The following NCKAP1L variants were observed in gnomAD, a reference collection of about 807,000 sequenced individuals.
The protein encoded by NCKAP1L is NCK associated protein 1 like, also known as nck-associated protein 1-like.
Under a neutral mutation model 139.2 loss-of-function variants are expected in NCKAP1L, and 53 were observed. That is an observed-to-expected ratio of 0.38 (90% CI 0.31 to 0.48). The LOEUF (loss-of-function observed/expected upper bound fraction) is 0.48, where lower values mean the gene tolerates loss of function less well. NCKAP1L is among the 20% of genes least tolerant of loss of function. The probability of loss-of-function intolerance (pLI) is 0.98; values close to 1 mark genes in which losing one functional copy is unlikely to be tolerated. For synonymous variants in NCKAP1L, 468 were observed against 499.7 expected (o/e 0.94, Z 0.85); for missense variants, 1,151 against 1,381.9 (o/e 0.83, Z 2.65).
chr12:54,547,302 T>TG lies in NCKAP1L; in HGVS notation c.*4618dup, dbSNP rs1433608686. ...AAAGGAGCCACAGAGTGAAAAAGGCTGATAGACTTGGCTCTGGTTTTATCA... is the reference window on the plus strand; with the variant it reads ...AAAGGAGCCACAGAGTGAAAAAGGCTGGATAGACTTGGCTCTGGTTTTATCA... On this transcript the variant is annotated 3_prime_UTR_variant, in exon 31 of 31. Coordinates refer to ENST00000293373, the MANE Select transcript of NCKAP1L (RefSeq NM_005337.5). 31 of 152,260 alleles carry TG rather than the reference T, an allele frequency of 2.0e-4. No homozygotes were observed. Among genetic ancestry groups the TG allele is most frequent in the African/African-American group, 7.5e-4 (31 of 41,458 alleles). 9.4% of individuals were successfully genotyped at this position (152,260 alleles called of 1,614,324 possible).
chr12:54,502,274 T>C (rs1956804108), intron 3 of NCKAP1L, among the ~76,000 whole-genome samples: 1 of 152,256 alleles, frequency 6.6e-6, no homozygotes, highest in Non-Finnish European at 1.5e-5. Flanking sequence ...TTGAGTGTCT[T>C]GTTGGTGCTC....
intron 1 of NCKAP1L, among the ~76,000 whole-genome samples, chr12:54,498,117 C>T (rs7970572): frequency 2.4e-4 from 37 of 152,160 alleles, no homozygotes; most frequent in African/African-American, 8.4e-4. Context: ...CTTGCCCCAA[C>T]GATGGCATCT....
chr12:54,520,657 C>G, intron 16 of NCKAP1L, 37 bp from the exon 17 acceptor site: 3 of 1,612,818 alleles, frequency 1.9e-6, no homozygotes, highest in Non-Finnish European at 2.5e-6. Context: ...CTAATAAGGA[C>G]TAAATCTTGA....
intron 3 of NCKAP1L, among the ~76,000 whole-genome samples, chr12:54,506,970 G>A (rs1160464269): frequency 1.3e-5 from 2 of 151,260 alleles, no homozygotes; most frequent in Non-Finnish European, 2.9e-5. Flanking sequence ...CTATGAAAAA[G>A]GATGCATTCA....
At chr12:54,498,434 T>TGTGTG (rs71070823) in intron 1 of NCKAP1L, among the ~76,000 whole-genome samples, 4 of 149,676 alleles carry the variant, frequency 2.7e-5, no homozygotes, top group African/African-American at 5.0e-5. Context: ...TGTGTGTGTG[T>TGTGTG]TTAGAATAGG....
intron 5 of NCKAP1L, among the ~76,000 whole-genome samples, chr12:54,508,737 A>G (rs892048705): frequency 2.6e-5 from 4 of 152,206 alleles, no homozygotes; most frequent in Non-Finnish European, 5.9e-5. Flanking sequence ...CACTTTATAC[A>G]TGGATTTTTT....
intron 10 of NCKAP1L, 141 bp from the exon 11 acceptor site, chr12:54,516,755 T>C (rs2120916581): frequency 2.8e-6 from 2 of 712,548 alleles, no homozygotes; most frequent in South Asian, 1.8e-5. Flanking sequence ...CCTTTTTTCT[T>C]TTTTAAACCA....
intron 22 of NCKAP1L, among the ~76,000 whole-genome samples, chr12:54,529,376 T>C (rs768661857): frequency 6.6e-6 from 1 of 152,202 alleles, no homozygotes; most frequent in Non-Finnish European, 1.5e-5. Flanking sequence ...AGATCCTTTT[T>C]AATAGGTTTG....
chr12:54,517,501 G>C (rs1302432831), intron 11 of NCKAP1L, 32 bp from the exon 12 acceptor site: 5 of 1,473,880 alleles, frequency 3.4e-6, no homozygotes, highest in Non-Finnish European at 4.7e-6. Context: ...TTTTAAAGTT[G>C]AAAATTCTAA....
At chr12:54,518,599 C>G (rs1193961801) in intron 13 of NCKAP1L, 52 bp from the exon 14 acceptor site, 1 of 1,384,660 alleles carries the variant, frequency 7.2e-7, no homozygotes. Flanking sequence ...GTCCTAGTTT[C>G]TGTCCTAGGG....
At chr12:54,541,924 G>C (rs1428688848) in intron 30 of NCKAP1L, among the ~76,000 whole-genome samples, 1 of 152,026 alleles carries the variant, frequency 6.6e-6, no homozygotes, top group Non-Finnish European at 1.5e-5. Flanking sequence ...AACATGCCCT[G>C]TCCACCCACC....
intron 9 of NCKAP1L, among the ~76,000 whole-genome samples, chr12:54,513,946 T>C (rs1956908580): frequency 6.6e-6 from 1 of 150,472 alleles, no homozygotes; most frequent in African/African-American, 2.5e-5. Context: ...CCTCCCAGAA[T>C]AGTTTGATGT....
Position 54,546,765 on chromosome 12 carries a change from G to C in NCKAP1L, c.*4080G>C, listed in dbSNP as rs1179439700. On this transcript the variant is annotated 3_prime_UTR_variant, in exon 31 of 31. Transcript: ENST00000293373. Reference sequence around the variant, plus strand: ...AGTACTCTCCCTCCCACTTGAATAGGAAGCAGGAGCAGCAGGCCAGGTTGC... The same window carrying C: ...AGTACTCTCCCTCCCACTTGAATAGCAAGCAGGAGCAGCAGGCCAGGTTGC... The C allele has an allele frequency of 6.6e-6, 1 of 152,448 alleles. No homozygotes were observed. The highest frequency in any genetic ancestry group is 1.5e-5 in the Non-Finnish European group (1 of 68,204). The allele number at this position is 152,448 out of a possible 1,614,324, so 9.4% of individuals were successfully genotyped here.
chr12:54,527,459 G>A (rs1234598157), intron 21 of NCKAP1L, among the ~76,000 whole-genome samples: 1 of 152,170 alleles, frequency 6.6e-6, no homozygotes, highest in Non-Finnish European at 1.5e-5. Flanking sequence ...AGGAGGTGGT[G>A]AGAGAATACC....
chr12:54,506,792 A>ATATATATAT (rs1555170876), intron 3 of NCKAP1L, among the ~76,000 whole-genome samples: 18 of 23,148 alleles, frequency 7.8e-4, no homozygotes, highest in South Asian at 6.5e-3. Context: ...TATTAAAAAA[A>ATATATATAT]AAAAATATAT....
chr12:54,526,280 C>G (rs1957025324), intron 20 of NCKAP1L, among the ~76,000 whole-genome samples: 1 of 152,246 alleles, frequency 6.6e-6, no homozygotes, highest in South Asian at 2.1e-4. Context: ...GGAATCAAGT[C>G]CCAGCTCTGC....
At chr12:54,507,231 G>A (rs1194534404) in intron 3 of NCKAP1L, among the ~76,000 whole-genome samples, 2 of 152,022 alleles carry the variant, frequency 1.3e-5, no homozygotes, top group Non-Finnish European at 2.9e-5. Flanking sequence ...ATGGAGTGTG[G>A]GTGCTGATGT....
Position 54,543,180 on chromosome 12 carries a change from T to G in NCKAP1L, c.*495T>G, listed in dbSNP as rs2120987877. On this transcript the variant is annotated 3_prime_UTR_variant, in exon 31 of 31. Coordinates refer to ENST00000293373, the MANE Select transcript of NCKAP1L (RefSeq NM_005337.5). ...TTCTCTCTTCCTTTTTCAAATGTGTTCAGCAAACATTCAACCTGCTCCTAC... is the reference window on the plus strand; with the variant it reads ...TTCTCTCTTCCTTTTTCAAATGTGTGCAGCAAACATTCAACCTGCTCCTAC... The G allele has an allele frequency of 6.6e-6, 1 of 152,660 alleles. No individual in the cohort carries two copies. Among genetic ancestry groups the G allele is most frequent in the East Asian group, 1.9e-4 (1 of 5,194 alleles). The allele number at this position is 152,660 out of a possible 1,614,324, so 9.5% of individuals were successfully genotyped here. A position where few individuals can be genotyped will look rare whatever the true frequency, so the allele number is the denominator to read the frequency against.
chr12:54,497,930 C>T (rs1318461277), intron 1 of NCKAP1L, 39 bp downstream of exon 1: 3 of 1,324,156 alleles, frequency 2.3e-6, no homozygotes, highest in East Asian at 2.3e-5. Flanking sequence ...ATTATTCCAA[C>T]AATAATAGGG....
Sources: allele counts gnomAD v4.1 joint callset (sites outside exome capture counted in the v4.1 genomes callset), GRCh38; gene constraint gnomAD v4.1.1; transcripts MANE v1.5; gene names NCBI Gene and HGNC (gene_info 2026-07-23, HGNC 2026-07-21).